The following CEP162 variants were observed in gnomAD, a reference collection of about 807,000 sequenced individuals.
CEP162 encodes the protein centrosomal protein 162, also known as centrosomal protein of 162 kDa.
A neutral mutation model predicts 169.2 loss-of-function variants in CEP162; 141 were observed. The observed-to-expected ratio is 0.83, with a 90% CI of 0.73 to 0.96. CEP162 has a LOEUF of 0.96. CEP162 is among the 40% of genes least tolerant of loss of function. CEP162 has a pLI of 0.00. For synonymous variants in CEP162, 540 were observed against 526.4 expected (o/e 1.03, Z -0.35); for missense variants, 1,600 against 1,587.2 (o/e 1.01, Z -0.14).
intron 6 of CEP162, among the ~76,000 whole-genome samples, chr6:84,206,428 T>C (rs2099547102): frequency 6.6e-6 from 1 of 152,066 alleles, no homozygotes; most frequent in Non-Finnish European, 1.5e-5. Context: ...CATCTACAAC[T>C]ATCTGATCTT....
intron 25 of CEP162, among the ~76,000 whole-genome samples, chr6:84,131,665 CTT>C (rs368082200): frequency 1.3e-5 from 2 of 149,788 alleles, no homozygotes; most frequent in African/African-American, 4.9e-5. Flanking sequence ...GCAACCGCTG[CTT>C]TTTTTTTGTT....
At chr6:84,153,248 A>G in intron 22 of CEP162, 69 bp from the exon 23 acceptor site, 1 of 1,403,366 alleles carries the variant, frequency 7.1e-7, no homozygotes, top group East Asian at 2.3e-5. Flanking sequence ...AGCCCTGCAC[A>G]CTACTGGGTC....
At chr6:84,156,664 T>A (rs1438421931) in intron 21 of CEP162, among the ~76,000 whole-genome samples, 1 of 151,844 alleles carries the variant, frequency 6.6e-6, no homozygotes, top group South Asian at 2.1e-4. Flanking sequence ...TGTGGAGATT[T>A]CTTAAGACCT....
At chr6:84,160,613 T>C (rs1416359615) in intron 21 of CEP162, among the ~76,000 whole-genome samples, 199 bp downstream of exon 21, 1 of 152,180 alleles carries the variant, frequency 6.6e-6, no homozygotes, top group Non-Finnish European at 1.5e-5. Flanking sequence ...ATCTTACGAA[T>C]GAGGCACATT....
At chr6:84,151,411 AATAAAT>A in intron 23 of CEP162, among the ~76,000 whole-genome samples, 1 of 152,232 alleles carries the variant, frequency 6.6e-6, no homozygotes, top group East Asian at 1.9e-4. Flanking sequence ...TGGTAATTAA[AATAAAT>A]ATAGACAGGG....
At chr6:84,175,587 T>C (rs967048775) in intron 13 of CEP162, among the ~76,000 whole-genome samples, 4 of 152,208 alleles carry the variant, frequency 2.6e-5, no homozygotes, top group Admixed American at 6.5e-5. Flanking sequence ...CCAAGACTCA[T>C]GTCAATTGAC....
chr6:84,135,106 T>C lies in CEP162; in HGVS notation c.3871-8594A>G, dbSNP rs142070435. Among the ~76,000 whole-genome samples, 697 of 152,232 alleles carry C rather than the reference T, an allele frequency of 4.6e-3. 8 individuals carry two copies. Among genetic ancestry groups the C allele is most frequent in the African/African-American group, 0.016 (664 of 41,534 alleles). On this transcript the variant is annotated intron_variant, in intron 25 of 26. Coordinates refer to ENST00000403245, the MANE Select transcript of CEP162 (RefSeq NM_014895.4). ...GAATAGAAAAAAATCTGGAAGGATA[T>C]AGAGCAAAATATAACTAGGTAGTGG...
chr6:84,156,743 GACACACACAC>G (rs71736099), intron 21 of CEP162, among the ~76,000 whole-genome samples: 5 of 125,652 alleles, frequency 4.0e-5, no homozygotes, highest in Admixed American at 7.6e-5. Context: ...GTATCAAAAA[GACACACACAC>G]ACACACACAC....
intron 13 of CEP162, among the ~76,000 whole-genome samples, chr6:84,179,926 C>T (rs1196461663): frequency 6.6e-6 from 1 of 152,124 alleles, no homozygotes; most frequent in African/African-American, 2.4e-5. Context: ...CAAGAAGGAG[C>T]TGGTACCATT....
At position 84,204,095 on chromosome 6, in the gene CEP162, T is replaced by C. The variant is rs890773510; in HGVS notation, c.573A>G (p.Glu191=). 3 of 1,569,368 alleles carry C rather than the reference T, an allele frequency of 1.9e-6. No individual in the cohort carries two copies. Among genetic ancestry groups the C allele is most frequent in the African/African-American group, 2.7e-5 (2 of 73,140 alleles). The change falls in exon 7 of 27, where the codon GAA becomes GAG. Residue 191 remains glutamate, a splice_region_variant and synonymous_variant. Transcript: ENST00000403245. ...CATCTTCAAAATCATCACTGTAATT[T>C]TCTGAAGAAAGTAATTTTTAAAAGT... ...ENESKHEELA[E]NYSDDFEDEY... is the part of the protein sequence containing the mutation.
chr6:84,160,604 T>C (rs1290689993), intron 21 of CEP162, among the ~76,000 whole-genome samples: 1 of 152,188 alleles, frequency 6.6e-6, no homozygotes, highest in African/African-American at 2.4e-5. Context: ...AGGTCTACCA[T>C]CTTACGAATG....
intron 13 of CEP162, 44 bp downstream of exon 13, chr6:84,185,143 C>G: frequency 1.3e-6 from 2 of 1,489,618 alleles, no homozygotes; most frequent in Non-Finnish European, 1.8e-6. Flanking sequence ...TCCATGGAAG[C>G]AAAGAAAGTA....
intron 13 of CEP162, among the ~76,000 whole-genome samples, chr6:84,176,711 A>G (rs573798850): frequency 2.6e-5 from 4 of 152,190 alleles, no homozygotes; most frequent in African/African-American, 7.2e-5. Context: ...CCAAAATCCA[A>G]TGAAATCTGA....
intron 9 of CEP162, among the ~76,000 whole-genome samples, chr6:84,195,281 A>C (rs1399037153): frequency 6.6e-6 from 1 of 152,214 alleles, no homozygotes; most frequent in East Asian, 1.9e-4. Context: ...TGATGTGGTA[A>C]GCATAAAATC....
chr6:84,150,716 A>T (rs2099520767), intron 23 of CEP162, among the ~76,000 whole-genome samples: 1 of 152,194 alleles, frequency 6.6e-6, no homozygotes, highest in Non-Finnish European at 1.5e-5. Flanking sequence ...CTTTCCTGGA[A>T]AAAATGTGAT....
intron 18 of CEP162, among the ~76,000 whole-genome samples, chr6:84,165,919 C>A (rs1588771898): frequency 2.0e-5 from 3 of 152,166 alleles, no homozygotes; most frequent in Admixed American, 1.3e-4. Context: ...TAAAATTGAT[C>A]TAAAAGTTGC....
At chr6:84,225,346 T>C (rs1318188701) in intron 2 of CEP162, among the ~76,000 whole-genome samples, 1 of 152,216 alleles carries the variant, frequency 6.6e-6, no homozygotes, top group Non-Finnish European at 1.5e-5. Context: ...TACTGAATCC[T>C]GCAGGCAACT....
intron 16 of CEP162, 99 bp from the exon 17 acceptor site, chr6:84,171,817 TTA>T: frequency 4.6e-6 from 2 of 433,018 alleles, no homozygotes; most frequent in Non-Finnish European, 8.0e-6. Context: ...AAACGGCCTT[TTA>T]AGTTTCTTTA....
intron 25 of CEP162, among the ~76,000 whole-genome samples, chr6:84,143,259 G>A (rs921320903): frequency 6.6e-6 from 1 of 151,876 alleles, no homozygotes; most frequent in Admixed American, 6.6e-5. Context: ...TGTTCTTATT[G>A]TCACATTAAG....
Sources: allele counts gnomAD v4.1 joint callset (sites outside exome capture counted in the v4.1 genomes callset), GRCh38; gene constraint gnomAD v4.1.1; transcripts MANE v1.5; gene names NCBI Gene and HGNC (gene_info 2026-07-23, HGNC 2026-07-21).